Variants in ABHD4 observed in about 807,000 individuals in gnomAD.
ABHD4 encodes abhydrolase domain containing 4, N-acyl phospholipase B, also known as (Lyso)-N-acylphosphatidylethanolamine lipase.
In ABHD4, 35 loss-of-function variants were observed where a neutral mutation model predicts 42.3. The ratio of observed to expected loss-of-function variants is 0.83; its 90% CI spans 0.63 to 1.10. The LOEUF (loss-of-function observed/expected upper bound fraction) is 1.10, where lower values mean the gene tolerates loss of function less well. Ranked by LOEUF, ABHD4 falls within the 50% of genes least tolerant of loss-of-function variation. ABHD4 has a pLI of 0.00. For missense variants in ABHD4, 389 were observed against 454.8 expected (o/e 0.86, Z 1.32); for synonymous variants, 169 against 170.6 (o/e 0.99, Z 0.07).
chr14:22,611,171 G>A lies in ABHD4; in HGVS notation c.*223G>A. 1 of 546,626 alleles carries A rather than the reference G, an allele frequency of 1.8e-6. No individual in the cohort carries two copies. Among genetic ancestry groups the A allele is most frequent in the East Asian group, 3.1e-5 (1 of 32,754 alleles). The allele number at this position is 546,626 out of a possible 1,614,324, so 33.9% of individuals were successfully genotyped here. On this transcript the variant is annotated 3_prime_UTR_variant, in exon 7 of 7. Coordinates refer to ENST00000428304, the MANE Select transcript of ABHD4 (RefSeq NM_022060.3). ...GGCCTTGAGTGCCACCCCCAGGGAA[G>A]AACATAAAGGGTTGCACAATGCCAC...
At chr14:22,604,159 A>G in intron 4 of ABHD4, 80 bp downstream of exon 4, 1 of 1,518,230 alleles carries the variant, frequency 6.6e-7, no homozygotes, top group Non-Finnish European at 9.0e-7. Flanking sequence ...CTTATTCCTA[A>G]AAAGTGGAAA....
At chr14:22,608,740 T>C (rs1204518522) in intron 5 of ABHD4, among the ~76,000 whole-genome samples, 2 of 151,324 alleles carry the variant, frequency 1.3e-5, no homozygotes, top group Non-Finnish European at 1.5e-5. Context: ...GTTTGCTCAT[T>C]GCCCAGGCTG....
intron 4 of ABHD4, 116 bp downstream of exon 4, chr14:22,604,195 T>C: frequency 8.3e-7 from 1 of 1,199,574 alleles, no homozygotes; most frequent in Non-Finnish European, 1.2e-6. Flanking sequence ...TATTTAAAGC[T>C]GTTAATCTGA....
Position 22,609,732 on chromosome 14 carries a change from C to T in ABHD4, c.761C>T (p.Thr254Ile), listed in dbSNP as rs2037388821. 1 of 1,613,500 alleles carries T rather than the reference C, an allele frequency of 6.2e-7. No individual in the cohort carries two copies. Among genetic ancestry groups the T allele is most frequent in the South Asian group, 1.1e-5 (1 of 91,042 alleles). Residue 254 changes from threonine to isoleucine, a missense_variant, in exon 6 of 7, where the codon ACA becomes ATA. This residue lies in a region of ABHD4 where 249 missense variants were observed against 254.4 expected (regional missense o/e 0.98). Transcript: ENST00000428304. Reference protein sequence around the residue: ...HCNAQNPSGETAFKAMMESFG... With the variant: ...HCNAQNPSGEIAFKAMMESFG... ...TGTTTTGCTTTTGACAGTGGTGAGA[C>T]AGCATTCAAAGCCATGATGGAGTCC...
intron 1 of ABHD4, among the ~76,000 whole-genome samples, chr14:22,599,582 A>T (rs765310636): frequency 3.3e-5 from 5 of 152,202 alleles, no homozygotes; most frequent in African/African-American, 1.2e-4. Flanking sequence ...TTTACTTGTA[A>T]CATTTTTGGT....
At chr14:22,607,030 A>C (rs935783441) in intron 5 of ABHD4, among the ~76,000 whole-genome samples, 3 of 152,204 alleles carry the variant, frequency 2.0e-5, no homozygotes, top group African/African-American at 7.2e-5. Flanking sequence ...CTCCATGTAC[A>C]TATTCCTTTG....
At chr14:22,610,199 T>A (rs895841634) in intron 6 of ABHD4, among the ~76,000 whole-genome samples, 2 of 152,064 alleles carry the variant, frequency 1.3e-5, no homozygotes, top group African/African-American at 4.8e-5. Flanking sequence ...CTGGGATTAT[T>A]AGCATGCGCC....
chr14:22,611,254 A>G lies in ABHD4; in HGVS notation c.*306A>G. On this transcript the variant is annotated 3_prime_UTR_variant, in exon 7 of 7. Transcript: ENST00000428304. Reference sequence around the variant, plus strand: ...GTGGAGGATGTGAAGGGATTGCACCAAGCCACATTCACTCTCTCTGTGGCC... The same window carrying G: ...GTGGAGGATGTGAAGGGATTGCACCGAGCCACATTCACTCTCTCTGTGGCC... 2.1e-5 allele frequency: 7 copies of G among 334,890 alleles called. No homozygotes were observed. Among genetic ancestry groups the G allele is most frequent in the Non-Finnish European group, 5.7e-6 (1 of 175,436 alleles). 20.7% of individuals were successfully genotyped at this position (334,890 alleles called of 1,614,324 possible). A position where few individuals can be genotyped will look rare whatever the true frequency, so the allele number is the denominator to read the frequency against.
Position 22,612,865 on chromosome 14 carries a change from T to C in ABHD4, c.*1917T>C, listed in dbSNP as rs892548526. On this transcript the variant is annotated 3_prime_UTR_variant, in exon 7 of 7. Coordinates refer to ENST00000428304, the MANE Select transcript of ABHD4 (RefSeq NM_022060.3). ...AACTTATAAACTTGTGGTTACTTGT[T>C]TAGCGTCTCTTTCCTCCCCAGACCA... The C allele has an allele frequency of 7.2e-5, 11 of 152,260 alleles. No homozygotes were observed. Among genetic ancestry groups the C allele is most frequent in the African/African-American group, 2.4e-4 (10 of 41,460 alleles). The allele number at this position is 152,260 out of a possible 1,614,324, so 9.4% of individuals were successfully genotyped here.
At chr14:22,598,639 T>A in intron 1 of ABHD4, 1 of 577,942 alleles carries the variant, frequency 1.7e-6, no homozygotes, top group Non-Finnish European at 2.9e-6. Context: ...ATGTGTGAGA[T>A]CCCCGAAAGC....
rs375960127 is a variant in ABHD4, at chr14:22,609,812, G to T, written c.841G>T (p.Val281Leu). ...GCGAATTCACTTGATTCGAAAAGAT[G>T]TGCCTATCACTATGATCTACGGGTC... ...LERIHLIRKD[V>L]PITMIYGSDT... The change falls in exon 6 of 7, where the codon GTG becomes TTG. Residue 281 changes from valine (V) to leucine (L), a missense_variant. Transcript: ENST00000428304. 2 of 1,614,170 alleles carry T rather than the reference G, an allele frequency of 1.2e-6. No homozygotes were observed. The highest frequency in any genetic ancestry group is 1.7e-6 in the Non-Finnish European group (2 of 1,180,030).
Position 22,611,806 on chromosome 14 carries a change from T to A in ABHD4, c.*858T>A, listed in dbSNP as rs2037418327. On this transcript the variant is annotated 3_prime_UTR_variant, in exon 7 of 7. Transcript: ENST00000428304. The stretch of plus-strand genomic sequence containing the variant: ...AAGCTAGGGACACTCAAGTGCTTCC[T>A]TCCTTGCCCCATCTTCCTCCCAACT... 6.5e-6 allele frequency: 1 copy of A among 153,244 alleles called. No homozygotes were observed. The highest frequency in any genetic ancestry group is 1.5e-5 in the Non-Finnish European group (1 of 68,540). The allele number at this position is 153,244 out of a possible 1,614,324, so 9.5% of individuals were successfully genotyped here.
chr14:22,607,676 C>T (rs1193038371), intron 5 of ABHD4, among the ~76,000 whole-genome samples: 1 of 152,232 alleles, frequency 6.6e-6, no homozygotes, highest in African/African-American at 2.4e-5. Context: ...CCCCCATGGG[C>T]TCAGTGCCTG....
At chr14:22,606,704 C>G (rs1333526556) in intron 5 of ABHD4, among the ~76,000 whole-genome samples, 171 bp downstream of exon 5, 1 of 152,130 alleles carries the variant, frequency 6.6e-6, no homozygotes, top group African/African-American at 2.4e-5. Flanking sequence ...GGGACAGACA[C>G]AAAGGAATAC....
intron 6 of ABHD4, among the ~76,000 whole-genome samples, chr14:22,610,341 C>A (rs1380257226): frequency 6.6e-6 from 1 of 152,178 alleles, no homozygotes; most frequent in Non-Finnish European, 1.5e-5. Flanking sequence ...GTACTACCTT[C>A]ATTAGGGGCT....
rs756971948 is a variant in ABHD4, at chr14:22,605,869, A to G, written c.641-553A>G. On this transcript the variant is annotated intron_variant, in intron 4 of 6. Coordinates refer to ENST00000428304, the MANE Select transcript of ABHD4 (RefSeq NM_022060.3). ...ATTTTTACAGTCTGTTGTTGCATGT[A>G]TGTATACCATAATGAGGTGAAACGA... is the stretch of plus-strand genomic sequence containing the variant. 4 of 1,276,946 alleles carry G rather than the reference A, an allele frequency of 3.1e-6. No homozygotes were observed. The South Asian group carries it at 5.0e-5, about 16-fold the overall frequency. 79.1% of individuals were successfully genotyped at this position (1,276,946 alleles called of 1,614,324 possible). A position where few individuals can be genotyped will look rare whatever the true frequency, so the allele number is the denominator to read the frequency against.
At chr14:22,600,515 C>T (rs1373192196) in intron 1 of ABHD4, among the ~76,000 whole-genome samples, 1 of 152,144 alleles carries the variant, frequency 6.6e-6, no homozygotes, top group Non-Finnish European at 1.5e-5. Flanking sequence ...TCAGGATGCC[C>T]AGTGTGGGCC....
rs767936689 is a variant in ABHD4 at position 22,603,544 on chromosome 14, C to T, written c.267C>T (p.Asp89=). 9 of 1,614,176 alleles carry T rather than the reference C, an allele frequency of 5.6e-6. No individual in the cohort carries two copies. The Middle Eastern group carries it at 4.9e-4, about 89-fold the overall frequency. Residue 89 remains aspartate (D), a synonymous_variant, in exon 3 of 7, where the codon GAC becomes GAT. Transcript: ENST00000428304. The part of the protein sequence containing the change: ...GGVGLWILNM[D]SLSARRTLHT... ...TGGGTCTCTGGATCCTCAACATGGA[C>T]TCACTGAGTGCCCGCCGCACACTGC...
intron 2 of ABHD4, among the ~76,000 whole-genome samples, chr14:22,602,968 A>C (rs1449882534): frequency 6.6e-6 from 1 of 152,184 alleles, no homozygotes; most frequent in Non-Finnish European, 1.5e-5. Context: ...TATCAAAGAT[A>C]AAGGGAGATA....
Sources: allele counts gnomAD v4.1 joint callset (sites outside exome capture counted in the v4.1 genomes callset), GRCh38; gene constraint gnomAD v4.1.1; regional missense constraint gnomAD v4.1.1; transcripts MANE v1.5; gene names NCBI Gene and HGNC (gene_info 2026-07-23, HGNC 2026-07-21).